The following SGF29 variants were observed in gnomAD, a reference collection of about 807,000 sequenced individuals.
SGF29 encodes the protein SAGA complex associated factor 29.
In SGF29, 15 loss-of-function variants were observed where a neutral mutation model predicts 38.1. That is an observed-to-expected ratio of 0.39 (90% CI 0.26 to 0.61). The LOEUF (loss-of-function observed/expected upper bound fraction) is 0.61, where lower values mean the gene tolerates loss of function less well. SGF29 is among the 20% of genes least tolerant of loss of function. The pLI, the probability that SGF29 is intolerant of heterozygous loss-of-function variation, is 0.49. For synonymous variants in SGF29, 151 were observed against 160.8 expected, an observed-to-expected ratio of 0.94 and a Z score of 0.46; for missense variants, 184 against 394.6, an observed-to-expected ratio of 0.47 and a Z score of 4.52.
At chr16:28,575,301 A>G (rs1488126009) in intron 1 of SGF29, among the ~76,000 whole-genome samples, 2 of 152,240 alleles carry the variant, frequency 1.3e-5, no homozygotes, top group Non-Finnish European at 2.9e-5. Flanking sequence ...TACATGTGGG[A>G]CAACACAGAT....
At chr16:28,570,318 T>C (rs143562623) in intron 1 of SGF29, among the ~76,000 whole-genome samples, 14 of 152,348 alleles carry the variant, frequency 9.2e-5, no homozygotes, top group Non-Finnish European at 2.1e-4. Context: ...TGAGATTGAA[T>C]GGGGTTTGCT....
At chr16:28,571,451 G>A (rs1159762269) in intron 1 of SGF29, among the ~76,000 whole-genome samples, 1 of 152,008 alleles carries the variant, frequency 6.6e-6, no homozygotes, top group African/African-American at 2.4e-5. Context: ...AAATTAGCTG[G>A]GCGTGGTGGC....
intron 1 of SGF29, 152 bp downstream of exon 1, chr16:28,554,249 T>G (rs1279657536): frequency 9.0e-4 from 13 of 14,422 alleles, no homozygotes; most frequent in East Asian, 3.7e-3. Flanking sequence ...GCGGGGCTCG[T>G]GGGGGTGGGG....
At chr16:28,585,429 T>C (rs1474895261) in intron 3 of SGF29, 1 of 597,020 alleles carries the variant, frequency 1.7e-6, no homozygotes, top group East Asian at 2.8e-5. Flanking sequence ...GGTAAGACAG[T>C]ACTCTCGCAG....
At chr16:28,589,964 T>A (rs1053070403) in intron 5 of SGF29, 132 bp from the exon 6 acceptor site, 26 of 1,307,064 alleles carry the variant, frequency 2.0e-5, no homozygotes, top group Non-Finnish European at 2.5e-5. Flanking sequence ...GGGGTCACAG[T>A]CCTGCTGGGC....
chr16:28,590,750 G>A lies in SGF29; in HGVS notation c.603-23G>A. 6.2e-7 allele frequency: 1 copy of A among 1,614,028 alleles called. No individual in the cohort carries two copies. ...GAGCATCCCCACCCGGCCACAGGTT[G>A]ATATAAGCCCCTCTTCCCCCAGGAG... is the stretch of plus-strand genomic sequence containing the variant. On this transcript the variant is annotated intron_variant, in intron 8 of 9. Coordinates refer to ENST00000317058, the MANE Select transcript of SGF29 (RefSeq NM_138414.3). The surrounding 1 kb of genome is among the most constrained non-coding windows in gnomAD (Gnocchi z 8.2).
At chr16:28,585,550 T>C in intron 3 of SGF29, 98 bp from the exon 4 acceptor site, 2 of 1,120,416 alleles carry the variant, frequency 1.8e-6, no homozygotes, top group South Asian at 1.3e-5. Context: ...CTACGGCCTC[T>C]CTGTGCCTCC....
chr16:28,568,607 C>A (rs2046847489), intron 1 of SGF29, among the ~76,000 whole-genome samples: 2 of 151,716 alleles, frequency 1.3e-5, no homozygotes, highest in African/African-American at 4.8e-5. Context: ...GGGGGGGGCT[C>A]ACATTCTTCA....
At chr16:28,558,565 T>G (rs1000667300) in intron 1 of SGF29, among the ~76,000 whole-genome samples, 23 of 152,328 alleles carry the variant, frequency 1.5e-4, no homozygotes, top group African/African-American at 5.5e-4. Context: ...CGCCTGTTTA[T>G]TGGTTTTGTT....
intron 1 of SGF29, among the ~76,000 whole-genome samples, chr16:28,574,277 G>T (rs1298363358): frequency 6.6e-6 from 1 of 152,172 alleles, no homozygotes. Context: ...ACCAAGGCTG[G>T]CCCTTTTCCC....
intron 1 of SGF29, among the ~76,000 whole-genome samples, chr16:28,561,358 C>A (rs1463850847): frequency 2.0e-5 from 3 of 152,112 alleles, no homozygotes; most frequent in African/African-American, 7.2e-5. Context: ...CATGGTTAAA[C>A]CCTGTCTCTA....
At chr16:28,583,925 AT>A (rs2046940778) in intron 2 of SGF29, among the ~76,000 whole-genome samples, 1 of 152,128 alleles carries the variant, frequency 6.6e-6, no homozygotes, top group Non-Finnish European at 1.5e-5. Context: ...AAAGAAGTCA[AT>A]TAGAATTTTG....
chr16:28,568,596 T>C (rs9928136), intron 1 of SGF29, among the ~76,000 whole-genome samples: 14 of 73,860 alleles, frequency 1.9e-4, no homozygotes, highest in Admixed American at 7.2e-4. Context: ...AAGGGGTGGT[T>C]GGGGGGGGCT....
intron 2 of SGF29, 105 bp from the exon 3 acceptor site, chr16:28,584,803 AAAAAG>A: frequency 1.5e-6 from 1 of 685,038 alleles, no homozygotes; most frequent in South Asian, 2.0e-5. Context: ...AAAAAAAAAA[AAAAAG>A]AAAATGAGGG....
intron 1 of SGF29, among the ~76,000 whole-genome samples, chr16:28,556,706 T>C (rs1428731824): frequency 1.3e-5 from 2 of 151,934 alleles, no homozygotes; most frequent in African/African-American, 4.8e-5. Context: ...AGCCTAGTGG[T>C]GCCATTATAG....
At chr16:28,570,723 G>T (rs1254353619) in intron 1 of SGF29, among the ~76,000 whole-genome samples, 1 of 151,838 alleles carries the variant, frequency 6.6e-6, no homozygotes, top group Non-Finnish European at 1.5e-5. Context: ...AATTACAGGT[G>T]CCTGCCATCA....
intron 1 of SGF29, among the ~76,000 whole-genome samples, chr16:28,580,642 C>A (rs2046919648): frequency 6.6e-6 from 1 of 152,166 alleles, no homozygotes. Flanking sequence ...AACAAGGTGA[C>A]ATTACAGGTA....
At chr16:28,573,223 G>T (rs934677776) in intron 1 of SGF29, among the ~76,000 whole-genome samples, 1 of 152,098 alleles carries the variant, frequency 6.6e-6, no homozygotes, top group African/African-American at 2.4e-5. Context: ...TGAGGACCTG[G>T]GGGGGTGTAA....
intron 1 of SGF29, among the ~76,000 whole-genome samples, chr16:28,572,467 C>G (rs1390137495): frequency 2.0e-5 from 3 of 152,016 alleles, no homozygotes; most frequent in Non-Finnish European, 4.4e-5. Context: ...CAGGGTTTCA[C>G]CATGTTGGCC....
Sources: gnomAD v4.1 joint callset for allele counts (sites outside exome capture counted in the v4.1 genomes callset) on GRCh38, gnomAD v4.1.1 for gene constraint, Gnocchi (gnomAD v3.1) non-coding constraint, MANE v1.5 for transcripts, NCBI Gene and HGNC (gene_info 2026-07-23, HGNC 2026-07-21) for gene names.